Variants in LRP6 observed in about 807,000 individuals in gnomAD.
LRP6 encodes LDL receptor related protein 6.
In LRP6, 43 loss-of-function variants were observed where a neutral mutation model predicts 184.1. The ratio of observed to expected loss-of-function variants is 0.23; its 90% CI spans 0.18 to 0.30. The LOEUF is 0.30. Among genes scored for constraint, LRP6 ranks in the 10% least tolerant of loss-of-function variants. The probability of loss-of-function intolerance (pLI) is 1.00; values close to 1 mark genes in which losing one functional copy is unlikely to be tolerated. For synonymous variants in LRP6, 719 were observed against 684.9 expected (o/e 1.05, Z -0.78); for missense variants, 1,571 against 2,005.3 (o/e 0.78, Z 4.14).
Position 12,126,931 on chromosome 12 carries a change from A to C in LRP6, c.4082-10T>G, listed in dbSNP as rs1292750410. The C allele has an allele frequency of 6.2e-7, 1 of 1,601,454 alleles. No individual in the cohort carries two copies. Among genetic ancestry groups the C allele is most frequent in the Non-Finnish European group, 8.6e-7 (1 of 1,168,394 alleles). Reference sequence around the variant, plus strand: ...GGTTCTTCAGTCGGATCTACAATGAAGAATGCAGTATGGTTATTTAATAGA... The same window carrying C: ...GGTTCTTCAGTCGGATCTACAATGACGAATGCAGTATGGTTATTTAATAGA... On this transcript the variant is annotated splice_polypyrimidine_tract_variant and intron_variant, in intron 19 of 22. Transcript: ENST00000261349.
chr12:12,266,543 C>G, intron 1 of LRP6, 138 bp downstream of exon 1: 4 of 747,252 alleles, frequency 5.4e-6, no homozygotes, highest in Non-Finnish European at 8.9e-6. Context: ...CCCTTTCTCT[C>G]CCCCTCCCCA....
At chr12:12,237,762 C>A (rs921195914) in intron 2 of LRP6, among the ~76,000 whole-genome samples, 2 of 152,162 alleles carry the variant, frequency 1.3e-5, no homozygotes, top group African/African-American at 2.4e-5. Flanking sequence ...CAAAAATGTC[C>A]AGGTTATGAA....
chr12:12,156,122 AAAAAG>A (rs1264174243), intron 12 of LRP6, among the ~76,000 whole-genome samples: 1 of 152,212 alleles, frequency 6.6e-6, no homozygotes, highest in Non-Finnish European at 1.5e-5. Flanking sequence ...GTGCTATGGG[AAAAAG>A]AAAAGAAAAA....
At chr12:12,216,773 C>G (rs1460636266) in intron 2 of LRP6, among the ~76,000 whole-genome samples, 1 of 152,076 alleles carries the variant, frequency 6.6e-6, no homozygotes, top group Admixed American at 6.6e-5. Context: ...ACCCTTAAGG[C>G]CATTTTCCAG....
rs891521575 is a variant in LRP6 at position 12,116,174 on chromosome 12, A to G, written c.*4952T>C. On this transcript the variant is annotated 3_prime_UTR_variant, in exon 23 of 23. Coordinates refer to ENST00000261349, the MANE Select transcript of LRP6 (RefSeq NM_002336.3). ...TTATTTTACAAAAGGAGGGAAGTGA[A>G]TAAGTGGACAAGGGCTGACCAAATG... The G allele has an allele frequency of 2.0e-5, 3 of 152,252 alleles. No homozygotes were observed. The highest frequency in any genetic ancestry group is 2.9e-5 in the Non-Finnish European group (2 of 68,038). The allele number at this position is 152,252 out of a possible 1,614,324, so 9.4% of individuals were successfully genotyped here.
intron 1 of LRP6, among the ~76,000 whole-genome samples, chr12:12,264,305 G>A (rs1369305659): frequency 6.6e-6 from 1 of 152,080 alleles, no homozygotes; most frequent in African/African-American, 2.4e-5. Flanking sequence ...AAACTAGTCA[G>A]GTATCATTAT....
intron 16 of LRP6, 57 bp from the exon 17 acceptor site, chr12:12,135,357 T>C (rs1432754674): frequency 6.4e-6 from 8 of 1,254,930 alleles, no homozygotes; most frequent in East Asian, 4.7e-5. Context: ...GGGAGAGAAG[T>C]GGGAGAGAAG....
intron 2 of LRP6, among the ~76,000 whole-genome samples, chr12:12,216,057 T>C (rs1202837315): frequency 6.6e-6 from 1 of 152,138 alleles, no homozygotes; most frequent in Non-Finnish European, 1.5e-5. Context: ...GACTAATGTA[T>C]CTGCCTAATT....
intron 1 of LRP6, among the ~76,000 whole-genome samples, chr12:12,265,473 C>T (rs991358871): frequency 7.2e-5 from 11 of 152,156 alleles, no homozygotes; most frequent in African/African-American, 2.2e-4. Flanking sequence ...AAAATATACA[C>T]CTGTCACAGA....
intron 15 of LRP6, among the ~76,000 whole-genome samples, chr12:12,139,607 C>T (rs1283587371): frequency 6.6e-6 from 1 of 151,914 alleles, no homozygotes; most frequent in African/African-American, 2.4e-5. Flanking sequence ...GCCTGTAGTC[C>T]AGGTACTCAG....
intron 15 of LRP6, 74 bp downstream of exon 15, chr12:12,147,292 G>A (rs555598359): frequency 7.9e-6 from 12 of 1,515,586 alleles, no homozygotes; most frequent in Admixed American, 5.1e-5. Context: ...AAAACAATAC[G>A]ATGCAAGAAA....
chr12:12,249,667 T>C (rs534956050), intron 1 of LRP6, among the ~76,000 whole-genome samples: 23 of 139,494 alleles, frequency 1.6e-4, no homozygotes, highest in Non-Finnish European at 3.0e-4. Flanking sequence ...AGTTGTGCTA[T>C]AACAGAAGGA....
chr12:12,167,555 AT>A (rs1305580948), intron 7 of LRP6, among the ~76,000 whole-genome samples: 3 of 151,928 alleles, frequency 2.0e-5, no homozygotes, highest in African/African-American at 7.3e-5. Flanking sequence ...AGGCAGGAGA[AT>A]CGCTTGAACC....
At chr12:12,196,554 T>C (rs1253865543) in intron 3 of LRP6, among the ~76,000 whole-genome samples, 1 of 152,192 alleles carries the variant, frequency 6.6e-6, no homozygotes, top group Non-Finnish European at 1.5e-5. Context: ...TTTTGTATCC[T>C]GCAACTTTAC....
chr12:12,135,134 T>A, intron 17 of LRP6, 41 bp downstream of exon 17: 1 of 1,613,030 alleles, frequency 6.2e-7, no homozygotes. Flanking sequence ...ATGGAATATG[T>A]TTGCATTTAG....
chr12:12,229,005 A>G (rs1864703807), intron 2 of LRP6, among the ~76,000 whole-genome samples: 1 of 152,216 alleles, frequency 6.6e-6, no homozygotes, highest in African/African-American at 2.4e-5. Flanking sequence ...TGATGCAGGA[A>G]AAGTCCTGAG....
intron 2 of LRP6, among the ~76,000 whole-genome samples, chr12:12,215,109 C>A (rs973425064): frequency 6.6e-6 from 1 of 152,242 alleles, no homozygotes; most frequent in African/African-American, 2.4e-5. Flanking sequence ...CTGGCTTTCT[C>A]TGCAGTGAGC....
chr12:12,157,381 A>G (rs1436280886), intron 12 of LRP6, among the ~76,000 whole-genome samples: 2 of 152,024 alleles, frequency 1.3e-5, no homozygotes, highest in African/African-American at 4.8e-5. Context: ...ACACTGGTCT[A>G]ACTGACTTCC....
At position 12,164,367 on chromosome 12, in the gene LRP6, T is replaced by A; in HGVS notation, c.1958A>T (p.Asn653Ile). 6.2e-7 allele frequency: 1 copy of A among 1,614,010 alleles called. No homozygotes were observed. Among genetic ancestry groups the A allele is most frequent in the Admixed American group, 1.7e-5 (1 of 60,022 alleles). The change falls in exon 9 of 23, where the codon AAT (asparagine) becomes ATT (isoleucine). Residue 653 changes from asparagine to isoleucine, a missense_variant. By Grantham distance (149) the Asn-to-Ile change is moderately radical (BLOSUM62 -3). Transcript: ENST00000261349. ...GACACCAGTGAGTGGAATAGCCACATTATTATTGTTTGTTTCCAGAGAAAT... is the reference window on the plus strand; with the variant it reads ...GACACCAGTGAGTGGAATAGCCACAATATTATTGTTTGTTTCCAGAGAAAT... The part of the protein sequence containing the change: ...RRISLETNNN[N>I]VAIPLTGVKE...
Sources: gnomAD v4.1 joint callset for allele counts (sites outside exome capture counted in the v4.1 genomes callset) on GRCh38, gnomAD v4.1.1 for gene constraint, MANE v1.5 for transcripts, NCBI Gene and HGNC (gene_info 2026-07-23, HGNC 2026-07-21) for gene names.